ZNF407: variants seen among roughly 807,000 people sequenced by gnomAD.
ZNF407 encodes zinc finger protein 407.
Under a neutral mutation model 131.2 loss-of-function variants are expected in ZNF407, and 17 were observed. The ratio of observed to expected loss-of-function variants is 0.13; its 90% CI spans 0.09 to 0.19. ZNF407 has a LOEUF of 0.19. ZNF407 is among the 10% of genes least tolerant of loss of function. ZNF407 has a pLI of 1.00. For synonymous variants in ZNF407, 1,156 were observed against 1,062.0 expected (o/e 1.09, Z -1.72); for missense variants, 2,681 against 2,830.6 (o/e 0.95, Z 1.20).
intron 3 of ZNF407, among the ~76,000 whole-genome samples, chr18:74,731,710 C>T (rs1166309550): frequency 6.6e-6 from 1 of 151,970 alleles, no homozygotes. Flanking sequence ...ATTTCATATA[C>T]TTGTGTGAGA....
At chr18:74,674,356 T>A (rs1170220008) in intron 3 of ZNF407, among the ~76,000 whole-genome samples, 1 of 152,230 alleles carries the variant, frequency 6.6e-6, no homozygotes, top group Non-Finnish European at 1.5e-5. Context: ...AGTTTGCAGA[T>A]CAGGTCCCTA....
rs530275317 is a variant in ZNF407, at chr18:74,951,981, A to G, written c.5428+31289A>G. Among the ~76,000 whole-genome samples the G allele has an allele frequency of 3.3e-5, 5 of 152,284 alleles. No homozygotes were observed. The East Asian group carries it at 9.6e-4, about 29-fold the overall frequency. On this transcript the variant is annotated intron_variant, in intron 8 of 8. Coordinates refer to ENST00000299687, the MANE Select transcript of ZNF407 (RefSeq NM_017757.3). Reference sequence around the variant, plus strand: ...CTAAGTTAGAAATTAGAAAATACATACAAAGTAGTGATCCCTGGCACAGCT... The same window carrying G: ...CTAAGTTAGAAATTAGAAAATACATGCAAAGTAGTGATCCCTGGCACAGCT...
At chr18:75,044,551 C>T (rs1004669001) in intron 8 of ZNF407, among the ~76,000 whole-genome samples, 1 of 152,138 alleles carries the variant, frequency 6.6e-6, no homozygotes, top group East Asian at 1.9e-4. Flanking sequence ...GTATTAGGAA[C>T]AGCCCTAGGT....
chr18:74,665,559 G>T (rs976110796), intron 3 of ZNF407, among the ~76,000 whole-genome samples: 1 of 152,138 alleles, frequency 6.6e-6, no homozygotes, highest in East Asian at 1.9e-4. Flanking sequence ...GTCACATTGC[G>T]CAAGTTTCAG....
Position 74,633,200 on chromosome 18 carries a change from G to T in ZNF407, c.2181G>T (p.Arg727=). 1 of 1,613,778 alleles carries T rather than the reference G, an allele frequency of 6.2e-7. No individual in the cohort carries two copies. The highest frequency in any genetic ancestry group is 8.5e-7 in the Non-Finnish European group (1 of 1,179,812). ...STVLTRHIKL[R]HGQDYHFLCK... The stretch of plus-strand genomic sequence containing the variant: ...TTCTCACGAGACATATAAAGCTTCG[G>T]CATGGTCAAGACTATCATTTTCTTT... Residue 727 remains arginine, a synonymous_variant, in exon 2 of 9, where the codon CGG becomes CGT. Transcript: ENST00000299687.
intron 7 of ZNF407, among the ~76,000 whole-genome samples, chr18:74,896,763 T>C (rs1258045154): frequency 2.6e-5 from 4 of 152,176 alleles, no homozygotes; most frequent in African/African-American, 9.7e-5. Flanking sequence ...TTTTGAGGGG[T>C]TCCCTAACAA....
At chr18:74,731,333 C>G (rs916272146) in intron 3 of ZNF407, among the ~76,000 whole-genome samples, 4 of 152,170 alleles carry the variant, frequency 2.6e-5, no homozygotes, top group Admixed American at 6.5e-5. Flanking sequence ...TTGTACTAGT[C>G]GAATTCCATC....
Position 74,631,919 on chromosome 18 carries a change from T to C in ZNF407, c.900T>C (p.Asn300=), listed in dbSNP as rs1387701949. The change falls in exon 2 of 9, where the codon AAT becomes AAC. Residue 300 remains asparagine, a synonymous_variant. Coordinates refer to ENST00000299687, the MANE Select transcript of ZNF407 (RefSeq NM_017757.3). ...PKKSRTMATK[N]VHSKPRTSKS... Reference sequence around the variant, plus strand: ...AATCACGTACAATGGCAACAAAAAATGTTCACTCAAAACCAAGAACTTCTA... The same window carrying C: ...AATCACGTACAATGGCAACAAAAAACGTTCACTCAAAACCAAGAACTTCTA... 6.2e-7 allele frequency: 1 copy of C among 1,613,902 alleles called. No homozygotes were observed. The highest frequency in any genetic ancestry group is 8.5e-7 in the Non-Finnish European group (1 of 1,179,880).
chr18:74,695,115 A>T (rs949836408), intron 3 of ZNF407, among the ~76,000 whole-genome samples: 3 of 152,186 alleles, frequency 2.0e-5, no homozygotes, highest in African/African-American at 7.2e-5. Context: ...TTGACATCAG[A>T]GTTACTTGCC....
chr18:74,694,441 T>C (rs967268960), intron 3 of ZNF407, among the ~76,000 whole-genome samples: 10 of 151,914 alleles, frequency 6.6e-5, no homozygotes, highest in East Asian at 1.9e-4. Flanking sequence ...TTTTCTTCTT[T>C]TTTTCTTTTT....
At chr18:74,817,113 C>T (rs934885684) in intron 4 of ZNF407, among the ~76,000 whole-genome samples, 1 of 151,976 alleles carries the variant, frequency 6.6e-6, no homozygotes, top group Admixed American at 6.6e-5. Flanking sequence ...GATACAATGC[C>T]AGTTTAGTTG....
chr18:74,650,212 C>T (rs1286771661), intron 3 of ZNF407, among the ~76,000 whole-genome samples: 1 of 152,006 alleles, frequency 6.6e-6, no homozygotes, highest in Non-Finnish European at 1.5e-5. Flanking sequence ...ATTTTATTTC[C>T]CCTGCCACCC....
In ZNF407 at chr18:74,999,411, T is replaced by C. The variant is rs1972819825; in HGVS notation, c.5429-63739T>C. ...ACTTAAGTATTTTGTTTGAAAGTTG[T>C]AGGTTTATTTATACAAACTGTGATT... On this transcript the variant is annotated intron_variant, in intron 8 of 8. Coordinates refer to ENST00000299687, the MANE Select transcript of ZNF407 (RefSeq NM_017757.3). 2.7e-5 allele frequency among the ~76,000 whole-genome samples: 4 copies of C among 149,106 alleles called. No individual in the cohort carries two copies. The South Asian group carries it at 8.6e-4, about 32-fold the overall frequency.
chr18:74,920,743 C>T (rs764044955), intron 8 of ZNF407, 51 bp downstream of exon 8: 10 of 1,548,964 alleles, frequency 6.5e-6, no homozygotes, highest in Non-Finnish European at 8.8e-6. Flanking sequence ...TTCATGTGAT[C>T]ACAGCAGTTA....
rs141203252 is a variant in ZNF407, at chr18:74,748,867, G to C, written c.4803-32561G>C. Reference sequence around the variant, plus strand: ...GAACTAGCTGACAGACACGAAAGCCGTTGTGTCACTGTGTGTTATCACCTC... The same window carrying C: ...GAACTAGCTGACAGACACGAAAGCCCTTGTGTCACTGTGTGTTATCACCTC... On this transcript the variant is annotated intron_variant, in intron 3 of 8. Transcript: ENST00000299687. 5.2e-3 allele frequency among the ~76,000 whole-genome samples: 792 copies of C among 152,268 alleles called. 4 individuals carry two copies. The highest frequency in any genetic ancestry group is 0.018 in the African/African-American group (768 of 41,552).
In ZNF407 at chr18:75,048,138, A is replaced by C. The variant is rs1351558583; in HGVS notation, c.5429-15012A>C. 1.3e-5 allele frequency among the ~76,000 whole-genome samples: 2 copies of C among 152,234 alleles called. No homozygotes were observed. Among genetic ancestry groups the C allele is most frequent in the Non-Finnish European group, 2.9e-5 (2 of 68,030 alleles). Reference sequence around the variant, plus strand: ...GAATCATAGACTCAGATCCTAATGCAGCTGAAGCTGACACCTGTCAGCAGC... The same window carrying C: ...GAATCATAGACTCAGATCCTAATGCCGCTGAAGCTGACACCTGTCAGCAGC... On this transcript the variant is annotated intron_variant, in intron 8 of 8. Transcript: ENST00000299687. The surrounding 1 kb of genome is among the most constrained non-coding windows in gnomAD (Gnocchi z 4.1).
intron 3 of ZNF407, among the ~76,000 whole-genome samples, chr18:74,729,207 G>A (rs547263929): frequency 1.3e-5 from 2 of 152,144 alleles, no homozygotes; most frequent in Non-Finnish European, 2.9e-5. Context: ...ATGGAGTGAT[G>A]GTCCGTGGAA....
chr18:74,829,575 C>T (rs964532296), intron 4 of ZNF407, among the ~76,000 whole-genome samples: 2 of 152,076 alleles, frequency 1.3e-5, no homozygotes, highest in African/African-American at 2.4e-5. Flanking sequence ...GTTTTGAGTA[C>T]AGGCTTTGCT....
chr18:74,916,818 G>A (rs973114637), intron 7 of ZNF407, among the ~76,000 whole-genome samples: 20 of 150,844 alleles, frequency 1.3e-4, no homozygotes, highest in African/African-American at 4.9e-4. Flanking sequence ...GTGTGTGCTG[G>A]TATGGTGAGG....
Sources: gnomAD v4.1 joint callset for allele counts (sites outside exome capture counted in the v4.1 genomes callset) on GRCh38, gnomAD v4.1.1 for gene constraint, Gnocchi (gnomAD v3.1) non-coding constraint, MANE v1.5 for transcripts, NCBI Gene and HGNC (gene_info 2026-07-23, HGNC 2026-07-21) for gene names.